Variants in FAM171A1 observed in about 807,000 individuals in gnomAD.
The protein encoded by FAM171A1 is protein FAM171A1.
In FAM171A1, 23 loss-of-function variants were observed where a neutral mutation model predicts 74.9. The ratio of observed to expected loss-of-function variants is 0.31; its 90% CI spans 0.22 to 0.44. The LOEUF (loss-of-function observed/expected upper bound fraction) is 0.44. Among genes scored for constraint, FAM171A1 ranks in the 20% least tolerant of loss-of-function variants. FAM171A1 has a pLI of 1.00. For synonymous variants in FAM171A1, 527 were observed against 505.7 expected, an observed-to-expected ratio of 1.04 and a Z score of -0.57; for missense variants, 1,162 against 1,159.2, an observed-to-expected ratio of 1.00 and a Z score of -0.03.
intron 5 of FAM171A1, among the ~76,000 whole-genome samples, chr10:15,238,282 G>C (rs1834320533): frequency 6.6e-6 from 1 of 152,084 alleles, no homozygotes; most frequent in Non-Finnish European, 1.5e-5. Flanking sequence ...ATTTTTTAAA[G>C]AGCAGATTTA....
chr10:15,237,075 C>T (rs909039810), intron 5 of FAM171A1, among the ~76,000 whole-genome samples: 1 of 152,166 alleles, frequency 6.6e-6, no homozygotes, highest in Non-Finnish European at 1.5e-5. Context: ...TAGCAGCAAA[C>T]TAAGAGGGCC....
chr10:15,326,976 T>C (rs1197197114), intron 1 of FAM171A1, among the ~76,000 whole-genome samples: 1 of 152,140 alleles, frequency 6.6e-6, no homozygotes, highest in African/African-American at 2.4e-5. Flanking sequence ...CATGTTGTGG[T>C]TTTTCATCAC....
chr10:15,328,723 T>G (rs1280191876), intron 1 of FAM171A1, among the ~76,000 whole-genome samples: 1 of 152,158 alleles, frequency 6.6e-6, no homozygotes, highest in Non-Finnish European at 1.5e-5. Context: ...TGTCTAGCCT[T>G]GGGGATCTGG....
At chr10:15,224,592 G>T (rs921526383) in intron 5 of FAM171A1, among the ~76,000 whole-genome samples, 1 of 152,102 alleles carries the variant, frequency 6.6e-6, no homozygotes, top group South Asian at 2.1e-4. Context: ...ATGGCGGCAG[G>T]TCTTTCCTGT....
intron 5 of FAM171A1, among the ~76,000 whole-genome samples, chr10:15,246,951 A>G (rs1281103853): frequency 6.6e-6 from 1 of 152,246 alleles, no homozygotes; most frequent in Admixed American, 6.5e-5. Flanking sequence ...AAACCAATAC[A>G]ACTGTCTGGA....
chr10:15,323,895 T>C (rs1469412134), intron 1 of FAM171A1, among the ~76,000 whole-genome samples: 1 of 152,086 alleles, frequency 6.6e-6, no homozygotes, highest in East Asian at 1.9e-4. Flanking sequence ...CCATAGCACC[T>C]ACTTGCCAGG....
At chr10:15,289,568 A>AGTGTG (rs1358473658) in intron 1 of FAM171A1, among the ~76,000 whole-genome samples, 3 of 152,144 alleles carry the variant, frequency 2.0e-5, no homozygotes, top group African/African-American at 7.2e-5. Context: ...GCTGCTCAGC[A>AGTGTG]ACTTTACCAA....
chr10:15,267,909 G>A (rs1379272673), intron 3 of FAM171A1, among the ~76,000 whole-genome samples: 1 of 151,968 alleles, frequency 6.6e-6, no homozygotes, highest in Admixed American at 6.6e-5. Context: ...CCAAGAGTGA[G>A]GGACAGTAAA....
At chr10:15,264,117 T>C (rs935449384) in intron 3 of FAM171A1, among the ~76,000 whole-genome samples, 8 of 152,070 alleles carry the variant, frequency 5.3e-5, no homozygotes, top group African/African-American at 1.7e-4. Flanking sequence ...TAGCTGGGAC[T>C]GTAGGCACAC....
At chr10:15,223,923 C>CA (rs934097905) in intron 5 of FAM171A1, among the ~76,000 whole-genome samples, 2 of 151,958 alleles carry the variant, frequency 1.3e-5, no homozygotes, top group African/African-American at 4.8e-5. Context: ...CAAAACAAAA[C>CA]AAAAAAAACC....
At chr10:15,288,813 C>CCTTTTTTTTTT (rs777503257) in intron 1 of FAM171A1, among the ~76,000 whole-genome samples, 1 of 73,686 alleles carries the variant, frequency 1.4e-5, no homozygotes, top group African/African-American at 4.8e-5. Context: ...TTCGGTAATT[C>CCTTTTTTTTTT]TTTTTTTTTT....
chr10:15,311,735 T>C (rs1205108480), intron 1 of FAM171A1, among the ~76,000 whole-genome samples: 1 of 152,088 alleles, frequency 6.6e-6, no homozygotes, highest in African/African-American at 2.4e-5. Context: ...CATCACGTTT[T>C]CCCCCTGGAA....
chr10:15,357,852 C>A (rs1354665730), intron 1 of FAM171A1, among the ~76,000 whole-genome samples: 1 of 152,148 alleles, frequency 6.6e-6, no homozygotes, highest in Non-Finnish European at 1.5e-5. Context: ...TTTTCCGTTT[C>A]TTTGTATGAC....
intron 5 of FAM171A1, among the ~76,000 whole-genome samples, chr10:15,246,881 G>A (rs192174413): frequency 1.1e-3 from 165 of 152,328 alleles, no homozygotes; most frequent in African/African-American, 3.8e-3. Context: ...GGGGTAAGAG[G>A]CCCCACGCTG....
At chr10:15,233,042 C>A (rs1588502436) in intron 5 of FAM171A1, among the ~76,000 whole-genome samples, 1 of 152,214 alleles carries the variant, frequency 6.6e-6, no homozygotes, top group Non-Finnish European at 1.5e-5. Context: ...CGCCTGTAAT[C>A]CCAGCACTTT....
chr10:15,228,724 A>C (rs185839815), intron 5 of FAM171A1, among the ~76,000 whole-genome samples: 87 of 152,338 alleles, frequency 5.7e-4, no homozygotes, highest in African/African-American at 2.0e-3. Context: ...AGCAGCATAA[A>C]GGGTCAATGG....
In FAM171A1 at chr10:15,339,087, C is replaced by T. The variant is rs544963198; in HGVS notation, c.97+31869G>A. 6.6e-5 allele frequency among the ~76,000 whole-genome samples: 10 copies of T among 151,976 alleles called. No homozygotes were observed. The East Asian group carries it at 7.7e-4, about 12-fold the overall frequency. On this transcript the variant is annotated intron_variant, in intron 1 of 7. Coordinates refer to ENST00000378116, the MANE Select transcript of FAM171A1 (RefSeq NM_001010924.2). ...CTGCTAAGGTTAAGTTTTTTAAGCT[C>T]GTAAATGACTCAATTTTAAAATATC...
At chr10:15,370,367 G>A (rs1836124570) in intron 1 of FAM171A1, among the ~76,000 whole-genome samples, 1 of 151,762 alleles carries the variant, frequency 6.6e-6, no homozygotes, top group African/African-American at 2.4e-5. Flanking sequence ...CAGATAGGCA[G>A]GGGGAGAGAA....
intron 1 of FAM171A1, among the ~76,000 whole-genome samples, chr10:15,306,837 A>G (rs781606182): frequency 2.0e-5 from 3 of 152,280 alleles, no homozygotes; most frequent in East Asian, 1.9e-4. Context: ...CTTCTACTCA[A>G]TTAGGTCCTA....
Sources: allele counts gnomAD v4.1 joint callset (sites outside exome capture counted in the v4.1 genomes callset), GRCh38; gene constraint gnomAD v4.1.1; transcripts MANE v1.5; gene names NCBI Gene and HGNC (gene_info 2026-07-23, HGNC 2026-07-21).